The following NRXN3 variants were observed in gnomAD, a reference collection of about 807,000 sequenced individuals.
NRXN3 encodes the protein neurexin 3.
Under a neutral mutation model 137.6 loss-of-function variants are expected in NRXN3, and 32 were observed. The observed-to-expected ratio is 0.23, with a 90% confidence interval of 0.18 to 0.31. NRXN3 has a LOEUF of 0.31. Ranked by LOEUF, NRXN3 falls within the 10% of genes least tolerant of loss-of-function variation. The pLI, the probability that NRXN3 is intolerant of heterozygous loss-of-function variation, is 1.00. For missense variants in NRXN3, 1,574 were observed against 2,062.5 expected (o/e 0.76, Z 4.59); for synonymous variants, 798 against 784.5 (o/e 1.02, Z -0.29).
rs576853284 is a variant in NRXN3 at position 78,615,323 on chromosome 14, G to A, written c.758-29797G>A. On this transcript the variant is annotated intron_variant, in intron 4 of 20. Transcript: ENST00000335750. ...TCAGTTAAAACTAAGATCCAGGGCC[G>A]GGCGCGGTGGCTCACGCCTATAATC... is the stretch of plus-strand genomic sequence containing the variant. Among the ~76,000 whole-genome samples the A allele has an allele frequency of 4.6e-5, 7 of 152,186 alleles. No individual in the cohort carries two copies. In the South Asian group the frequency reaches 6.2e-4, roughly 14 times the overall value.
chr14:78,703,187 G>T (rs983916928), intron 6 of NRXN3, among the ~76,000 whole-genome samples: 27 of 152,186 alleles, frequency 1.8e-4, no homozygotes, highest in African/African-American at 6.3e-4. Context: ...TGCTCATAAG[G>T]TGTTCGAAAT....
rs565169353 is a variant in NRXN3, at chr14:78,983,108, A to G, written c.3143-4914A>G. On this transcript the variant is annotated intron_variant, in intron 14 of 20. Transcript: ENST00000335750. ...GAGATATCACCTTGCACCTATTAAA[A>G]TAGCTACTATCAAAAAGACAAAAAC... Among the ~76,000 whole-genome samples, 8 of 152,326 alleles carry G rather than the reference A, an allele frequency of 5.3e-5. No individual in the cohort carries two copies. The East Asian group carries it at 1.5e-3, about 29-fold the overall frequency.
At chr14:79,121,157 TAG>T (rs2055357500) in intron 15 of NRXN3, among the ~76,000 whole-genome samples, 1 of 152,206 alleles carries the variant, frequency 6.6e-6, no homozygotes, top group South Asian at 2.1e-4. Flanking sequence ...TCCACTGCTT[TAG>T]AGTCATCACT....
intron 19 of NRXN3, among the ~76,000 whole-genome samples, chr14:79,784,638 T>TA (rs1204630630): frequency 7.3e-5 from 9 of 123,494 alleles, no homozygotes; most frequent in African/African-American, 2.7e-4. Flanking sequence ...TTTTTTTTTT[T>TA]AATACAGGTA....
intron 16 of NRXN3, among the ~76,000 whole-genome samples, chr14:79,512,177 G>A (rs2096938516): frequency 6.6e-6 from 1 of 152,162 alleles, no homozygotes; most frequent in African/African-American, 2.4e-5. Context: ...GAAATTACAG[G>A]CGAGAGCCAC....
At chr14:78,612,205 G>A (rs557915399) in intron 4 of NRXN3, among the ~76,000 whole-genome samples, 5 of 152,294 alleles carry the variant, frequency 3.3e-5, no homozygotes, top group African/African-American at 9.6e-5. Flanking sequence ...GATTGTCATA[G>A]CACCCTCATC....
At chr14:78,513,732 C>T (rs2096153152) in intron 4 of NRXN3, among the ~76,000 whole-genome samples, 1 of 152,066 alleles carries the variant, frequency 6.6e-6, no homozygotes, top group Non-Finnish European at 1.5e-5. Context: ...AGCTCGTGAG[C>T]TCATAGACCA....
intron 4 of NRXN3, among the ~76,000 whole-genome samples, chr14:78,574,874 A>G (rs2096922160): frequency 6.6e-6 from 1 of 152,224 alleles, no homozygotes; most frequent in African/African-American, 2.4e-5. Context: ...TTACAATTCA[A>G]GGTGAGATTT....
At chr14:79,812,281 A>G (rs950218522) in intron 20 of NRXN3, among the ~76,000 whole-genome samples, 3 of 152,210 alleles carry the variant, frequency 2.0e-5, no homozygotes, top group Non-Finnish European at 4.4e-5. Flanking sequence ...CTTTTGAGTA[A>G]CTATTACATG....
chr14:78,327,564 A>G (rs1229656843), intron 4 of NRXN3, among the ~76,000 whole-genome samples: 3 of 152,182 alleles, frequency 2.0e-5, no homozygotes, highest in East Asian at 1.9e-4. Flanking sequence ...TACTTCAACT[A>G]TAAGGGATTT....
At chr14:78,842,063 T>C (rs1296111921) in intron 10 of NRXN3, among the ~76,000 whole-genome samples, 2 of 152,156 alleles carry the variant, frequency 1.3e-5, no homozygotes, top group South Asian at 4.1e-4. Context: ...TCAAATATTT[T>C]CTACAGATTT....
intron 16 of NRXN3, among the ~76,000 whole-genome samples, chr14:79,537,115 G>A (rs1483542907): frequency 1.3e-5 from 2 of 152,090 alleles, no homozygotes; most frequent in African/African-American, 2.4e-5. Context: ...AGCCTCACTA[G>A]CATCTGTTGT....
chr14:79,425,146 C>G (rs1189020850), intron 15 of NRXN3, among the ~76,000 whole-genome samples: 1 of 152,086 alleles, frequency 6.6e-6, no homozygotes, highest in African/African-American at 2.4e-5. Flanking sequence ...ACTTTTAACT[C>G]CCCTATGATC....
chr14:79,750,259 G>A lies in NRXN3; in HGVS notation c.4014+52322G>A, dbSNP rs189582509. Among the ~76,000 whole-genome samples, 3 of 152,194 alleles carry A rather than the reference G, an allele frequency of 2.0e-5. 1 individual carries two copies. The highest frequency in any genetic ancestry group is 4.4e-5 in the Non-Finnish European group (3 of 67,990). On this transcript the variant is annotated intron_variant, in intron 19 of 20. Transcript: ENST00000335750. ...GTGGTGAGTCTGAGTGACAAACCAG[G>A]GAGAAGTAATAAGACAATTTATTTC... is the stretch of plus-strand genomic sequence containing the variant.
chr14:79,530,633 A>G (rs1157013084), intron 16 of NRXN3, among the ~76,000 whole-genome samples: 1 of 105,916 alleles, frequency 9.4e-6, no homozygotes, highest in Admixed American at 8.8e-5. Context: ...TATCTTATTT[A>G]TTTTTTAAGT....
intron 1 of NRXN3, among the ~76,000 whole-genome samples, chr14:78,237,313 A>G (rs559263704): frequency 5.9e-5 from 9 of 152,326 alleles, no homozygotes; most frequent in African/African-American, 2.2e-4. Flanking sequence ...TTGCTAAAGG[A>G]AAAAAAGTTT....
intron 4 of NRXN3, among the ~76,000 whole-genome samples, chr14:78,478,065 T>C (rs761839524): frequency 1.3e-5 from 2 of 152,236 alleles, no homozygotes; most frequent in Non-Finnish European, 2.9e-5. Flanking sequence ...TTTTGCTTTC[T>C]AACTTGAAGA....
At chr14:78,907,187 T>A (rs2099220028) in intron 10 of NRXN3, among the ~76,000 whole-genome samples, 1 of 152,068 alleles carries the variant, frequency 6.6e-6, no homozygotes, top group African/African-American at 2.4e-5. Flanking sequence ...TTTAGTTTTC[T>A]TACTTATCAT....
At chr14:79,148,202 G>A (rs770473247) in intron 15 of NRXN3, among the ~76,000 whole-genome samples, 3 of 152,230 alleles carry the variant, frequency 2.0e-5, no homozygotes, top group Admixed American at 6.5e-5. Flanking sequence ...AGAGTGACTG[G>A]ATGGGAGGAG....
Sources: gnomAD v4.1 joint callset for allele counts (sites outside exome capture counted in the v4.1 genomes callset) on GRCh38, gnomAD v4.1.1 for gene constraint, MANE v1.5 for transcripts, NCBI Gene and HGNC (gene_info 2026-07-23, HGNC 2026-07-21) for gene names.